COG5: variants seen among roughly 807,000 people sequenced by gnomAD.
COG5 encodes component of oligomeric golgi complex 5, also known as conserved oligomeric Golgi complex subunit 5.
COG5 carries 86 observed loss-of-function variants against 110.4 expected under a neutral mutation model. The observed-to-expected ratio is 0.78, with a 90% CI of 0.65 to 0.93. COG5 has a LOEUF of 0.93. COG5 is among the 40% of genes least tolerant of loss of function. COG5 has a pLI of 0.00. For missense variants in COG5, 1,077 were observed against 987.0 expected (o/e 1.09, Z -1.22); for synonymous variants, 360 against 334.6 (o/e 1.08, Z -0.83).
Position 107,364,976 on chromosome 7 carries a change from T to A in COG5, c.836-2556A>T, listed in dbSNP as rs111816343. Among the ~76,000 whole-genome samples, 1,406 of 152,234 alleles carry A rather than the reference T, an allele frequency of 9.2e-3. 32 individuals carry two copies. Among genetic ancestry groups the A allele is most frequent in the African/African-American group, 0.03 (1,261 of 41,552 alleles). ...ACTGTAACAATCTGCAGCTGTCTCA[T>A]ATGTTATATAAAGAATGAACTCATA... is the stretch of plus-strand genomic sequence containing the variant. On this transcript the variant is annotated intron_variant, in intron 8 of 21. Coordinates refer to ENST00000297135, the MANE Select transcript of COG5 (RefSeq NM_006348.5).
At chr7:107,351,892 A>C (rs1327303771) in intron 10 of COG5, among the ~76,000 whole-genome samples, 1 of 149,608 alleles carries the variant, frequency 6.7e-6, no homozygotes, top group Non-Finnish European at 1.5e-5. Flanking sequence ...CCATTGTGGA[A>C]GTCAGTGTGG....
chr7:107,273,133 A>C (rs1025000614), intron 14 of COG5, among the ~76,000 whole-genome samples: 15 of 152,150 alleles, frequency 9.9e-5, no homozygotes, highest in Admixed American at 8.5e-4. Context: ...TACTGCTGGT[A>C]GCTGGTGTCA....
intron 5 of COG5, among the ~76,000 whole-genome samples, chr7:107,539,987 G>A (rs1213777590): frequency 2.6e-5 from 4 of 152,174 alleles, no homozygotes; most frequent in African/African-American, 9.7e-5. Flanking sequence ...GGGAAGGCAA[G>A]GGAAACAGAG....
chr7:107,395,835 G>A (rs1008508845), intron 7 of COG5, among the ~76,000 whole-genome samples: 2 of 152,034 alleles, frequency 1.3e-5, no homozygotes, highest in African/African-American at 2.4e-5. Context: ...GATTACAGGC[G>A]TGAGCCACTG....
intron 6 of COG5, among the ~76,000 whole-genome samples, chr7:107,493,791 C>G (rs1798107716): frequency 1.3e-5 from 2 of 152,074 alleles, no homozygotes; most frequent in Non-Finnish European, 2.9e-5. Flanking sequence ...TAAATATATT[C>G]AAAGACTATG....
At chr7:107,486,083 G>A (rs1432171685) in intron 6 of COG5, among the ~76,000 whole-genome samples, 1 of 151,950 alleles carries the variant, frequency 6.6e-6, no homozygotes, top group African/African-American at 2.4e-5. Flanking sequence ...TGTAGAAACA[G>A]ACAGAGATAA....
At chr7:107,333,233 G>A (rs1223967713) in intron 10 of COG5, among the ~76,000 whole-genome samples, 1 of 152,116 alleles carries the variant, frequency 6.6e-6, no homozygotes, top group African/African-American at 2.4e-5. Context: ...TCAAAGCAGA[G>A]GGATCCTGGC....
chr7:107,380,836 A>C (rs1274825916), intron 7 of COG5, among the ~76,000 whole-genome samples: 1 of 152,082 alleles, frequency 6.6e-6, no homozygotes, highest in Non-Finnish European at 1.5e-5. Flanking sequence ...TGATACCAAA[A>C]CCTGGCAGAG....
At chr7:107,291,594 G>A (rs931536056) in intron 12 of COG5, among the ~76,000 whole-genome samples, 1 of 152,172 alleles carries the variant, frequency 6.6e-6, no homozygotes, top group Non-Finnish European at 1.5e-5. Context: ...GCTAATGGCA[G>A]GATTATCTTC....
chr7:107,512,650 T>C (rs1430708926), intron 6 of COG5, among the ~76,000 whole-genome samples: 1 of 152,146 alleles, frequency 6.6e-6, no homozygotes, highest in African/African-American at 2.4e-5. Flanking sequence ...CAAACTATAC[T>C]ACAAGGCTAC....
chr7:107,281,206 A>G (rs1805137143), intron 14 of COG5, 94 bp downstream of exon 14: 1 of 845,288 alleles, frequency 1.2e-6, no homozygotes, highest in Admixed American at 2.1e-5. Context: ...AAGTAAGTAA[A>G]TAGTCAATTC....
chr7:107,226,301 A>G (rs797000801), intron 19 of COG5, among the ~76,000 whole-genome samples: 13 of 152,306 alleles, frequency 8.5e-5, no homozygotes, highest in African/African-American at 3.1e-4. Flanking sequence ...ACAAGTGCCA[A>G]GGTCTAACTT....
chr7:107,259,000 C>T (rs1385863604), intron 14 of COG5, among the ~76,000 whole-genome samples: 1 of 151,934 alleles, frequency 6.6e-6, no homozygotes, highest in African/African-American at 2.4e-5. Flanking sequence ...CAAAATTATA[C>T]TGTGTATAGA....
chr7:107,541,523 A>AAAATATATATATATATAT (rs60423657), intron 5 of COG5, among the ~76,000 whole-genome samples: 1 of 57,028 alleles, frequency 1.8e-5, no homozygotes, highest in African/African-American at 6.7e-5. Context: ...AAAAAAAAAA[A>AAAATATATATATATATAT]ATATATATAT....
rs116832807 is a variant in COG5, at chr7:107,258,580, A to C, written c.1576-197T>G. 3,094 of 607,718 alleles carry C rather than the reference A, an allele frequency of 5.1e-3. 78 individuals are homozygous for C. The African/African-American group carries it at 0.053, about 10-fold the overall frequency. The allele number at this position is 607,718 out of a possible 1,614,324, so 37.6% of individuals were successfully genotyped here. A position where few individuals can be genotyped will look rare whatever the true frequency, so the allele number is the denominator to read the frequency against. On this transcript the variant is annotated intron_variant, in intron 14 of 21. Transcript: ENST00000297135. Reference sequence around the variant, plus strand: ...GCTTTGGACTTGAGGTAAAACCAGCAATCTGTGTAGAGAAAACACCATGGA... The same window carrying C: ...GCTTTGGACTTGAGGTAAAACCAGCCATCTGTGTAGAGAAAACACCATGGA...
intron 6 of COG5, among the ~76,000 whole-genome samples, chr7:107,414,849 T>A (rs991449338): frequency 2.0e-5 from 3 of 150,696 alleles, no homozygotes; most frequent in Non-Finnish European, 3.0e-5. Context: ...TGCCTCAGCC[T>A]CCCGGGTAGC....
intron 10 of COG5, among the ~76,000 whole-genome samples, chr7:107,333,321 A>G (rs1249674479): frequency 2.0e-5 from 3 of 152,206 alleles, no homozygotes; most frequent in African/African-American, 4.8e-5. Context: ...TTGCTGTCTC[A>G]TTACAAAGAA....
rs115938835 is a variant in COG5 at position 107,249,399 on chromosome 7, T to C, written c.1750-900A>G. 2.8e-3 allele frequency among the ~76,000 whole-genome samples: 428 copies of C among 152,126 alleles called. 3 individuals are homozygous for C. The highest frequency in any genetic ancestry group is 9.7e-3 in the African/African-American group (403 of 41,492). Reference sequence around the variant, plus strand: ...GCTCAAAATGTTGATAGTGCCATGGTTGGGAAACTGTTCAACAGGGAGGTA... The same window carrying C: ...GCTCAAAATGTTGATAGTGCCATGGCTGGGAAACTGTTCAACAGGGAGGTA... On this transcript the variant is annotated intron_variant, in intron 16 of 21. Transcript: ENST00000297135.
At chr7:107,476,184 T>TAA (rs34741713) in intron 6 of COG5, among the ~76,000 whole-genome samples, 7 of 44,052 alleles carry the variant, frequency 1.6e-4, no homozygotes, top group Admixed American at 2.6e-4. Context: ...GCAATGATTT[T>TAA]AAAAAAAAAA....
Sources: gnomAD v4.1 joint callset for allele counts (sites outside exome capture counted in the v4.1 genomes callset) on GRCh38, gnomAD v4.1.1 for gene constraint, MANE v1.5 for transcripts, NCBI Gene and HGNC (gene_info 2026-07-23, HGNC 2026-07-21) for gene names.